The following SLC24A2 variants were observed in gnomAD, a reference collection of about 807,000 sequenced individuals.
SLC24A2 encodes sodium/potassium/calcium exchanger 2.
A neutral mutation model predicts 62.0 loss-of-function variants in SLC24A2; 36 were observed. The ratio of observed to expected loss-of-function variants is 0.58; its 90% CI spans 0.44 to 0.77. The LOEUF (loss-of-function observed/expected upper bound fraction) is 0.77, where lower values mean the gene tolerates loss of function less well. Ranked by LOEUF, SLC24A2 falls within the 30% of genes least tolerant of loss-of-function variation. The pLI is 0.00. For synonymous variants in SLC24A2, 358 were observed against 294.0 expected (o/e 1.22, Z -2.23); for missense variants, 846 against 817.9 (o/e 1.03, Z -0.42).
At chr9:19,554,992 A>C (rs1237429695) in intron 7 of SLC24A2, among the ~76,000 whole-genome samples, 4 of 152,186 alleles carry the variant, frequency 2.6e-5, no homozygotes, top group African/African-American at 9.6e-5. Context: ...TGGTCTCTCT[A>C]TAAGATATCT....
At chr9:19,834,256 T>G in the SLC24A2 span, among the ~76,000 whole-genome samples, 1 of 152,092 alleles carries the variant, frequency 6.6e-6, no homozygotes, top group Non-Finnish European at 1.5e-5. Flanking sequence ...AGAAGAAGGC[T>G]TCAGAAGATC....
intron 2 of SLC24A2, among the ~76,000 whole-genome samples, chr9:19,721,277 G>A (rs1338898802): frequency 6.6e-6 from 1 of 152,106 alleles, no homozygotes; most frequent in African/African-American, 2.4e-5. Context: ...TATTCATAGA[G>A]ACCCAGAGCA....
chr9:20,109,908 T>C, the SLC24A2 span, among the ~76,000 whole-genome samples: 1 of 152,202 alleles, frequency 6.6e-6, no homozygotes, highest in South Asian at 2.1e-4. Flanking sequence ...TCTGGAATTT[T>C]AGCTGGATAT....
chr9:19,589,752 A>T (rs1822647378), intron 5 of SLC24A2, among the ~76,000 whole-genome samples: 1 of 152,092 alleles, frequency 6.6e-6, no homozygotes, highest in African/African-American at 2.4e-5. Context: ...CCTACCTACC[A>T]TAGTCTTGGT....
chr9:19,572,753 G>C (rs1010116484), intron 7 of SLC24A2, among the ~76,000 whole-genome samples: 17 of 152,212 alleles, frequency 1.1e-4, no homozygotes, highest in African/African-American at 3.9e-4. Context: ...GTAGGTGTTT[G>C]ATAAATGTTA....
chr9:19,706,849 G>C (rs13295803), intron 2 of SLC24A2, among the ~76,000 whole-genome samples: 48,077 of 151,340 alleles, frequency 0.32, 8,057 homozygotes, highest in African/African-American at 0.43. Flanking sequence ...AAAAGAACTA[G>C]AAAAGCAAGA....
chr9:20,076,423 C>A, the SLC24A2 span, among the ~76,000 whole-genome samples: 2 of 152,006 alleles, frequency 1.3e-5, no homozygotes, highest in African/African-American at 4.8e-5. Flanking sequence ...GACAGACACA[C>A]GAAGGGAGAA....
the SLC24A2 span, among the ~76,000 whole-genome samples, chr9:20,178,830 G>C: frequency 7.2e-5 from 11 of 152,188 alleles, 1 homozygote; most frequent in African/African-American, 2.2e-4. Flanking sequence ...GATACATTTA[G>C]AGTTTTTAAA....
chr9:19,788,911 C>T lies in SLC24A2; in HGVS notation c.-180G>A. 2.0e-6 allele frequency: 2 copies of T among 985,362 alleles called. No individual in the cohort carries two copies. Among genetic ancestry groups the T allele is most frequent in the Non-Finnish European group, 2.4e-6 (2 of 829,882 alleles). The allele number at this position is 985,362 out of a possible 1,614,324, so 61.0% of individuals were successfully genotyped here. A position where few individuals can be genotyped will look rare whatever the true frequency, so the allele number is the denominator to read the frequency against. ...AGGATAAGATGGGAGGACGCGCACA[C>T]GGCGGGGCCCCCGAGCGCGGCCCGC... On this transcript the variant is annotated 5_prime_UTR_variant, in exon 1 of 11. In the 5' UTR this introduces an upstream ATG that the reference lacks. Coordinates refer to ENST00000341998, the MANE Select transcript of SLC24A2 (RefSeq NM_020344.4).
chr9:19,520,099 G>A (rs974783104), intron 10 of SLC24A2, among the ~76,000 whole-genome samples: 2 of 152,172 alleles, frequency 1.3e-5, no homozygotes, highest in Non-Finnish European at 1.5e-5. Context: ...AAAGGTGGAA[G>A]ACAGAACAAT....
chr9:19,831,119 A>T, the SLC24A2 span, among the ~76,000 whole-genome samples: 25 of 152,306 alleles, frequency 1.6e-4, no homozygotes, highest in African/African-American at 6.0e-4. Context: ...TTCTGCCCTC[A>T]TGACTTAATC....
rs1341494865 is a variant in SLC24A2 at position 19,550,459 on chromosome 9, G to C, written c.1348-191C>G. 3.9e-5 allele frequency among the ~76,000 whole-genome samples: 6 copies of C among 152,302 alleles called. No individual in the cohort carries two copies. In the East Asian group the frequency reaches 1.2e-3, roughly 29 times the overall value. On this transcript the variant is annotated intron_variant, in intron 7 of 10. Transcript: ENST00000341998. ...CTAGGAACAAATAATACATTGTCCA[G>C]CCATGAGCATGTAAGAATTTTCTTT...
At chr9:19,754,632 G>C (rs767797287) in intron 2 of SLC24A2, among the ~76,000 whole-genome samples, 42 of 149,990 alleles carry the variant, frequency 2.8e-4, no homozygotes, top group Non-Finnish European at 1.6e-4. Context: ...CTTTCTCCTG[G>C]AAATCATGGG....
At chr9:19,749,727 A>T (rs941815729) in intron 2 of SLC24A2, among the ~76,000 whole-genome samples, 5 of 152,242 alleles carry the variant, frequency 3.3e-5, no homozygotes, top group Non-Finnish European at 7.3e-5. Context: ...GACTCCTTGT[A>T]TAATGAAAAA....
At chr9:20,069,302 T>C in the SLC24A2 span, among the ~76,000 whole-genome samples, 2 of 152,222 alleles carry the variant, frequency 1.3e-5, no homozygotes, top group African/African-American at 4.8e-5. Flanking sequence ...TCGCCTCCTA[T>C]ATTGATTTAA....
the SLC24A2 span, among the ~76,000 whole-genome samples, chr9:20,120,037 G>A: frequency 6.6e-6 from 1 of 152,114 alleles, no homozygotes; most frequent in African/African-American, 2.4e-5. Context: ...GACTACTCCA[G>A]CTTCTAGAAA....
At chr9:19,636,323 C>CTTTTCTTTTCTTTTCTTTTCT (rs1554690385) in intron 2 of SLC24A2, among the ~76,000 whole-genome samples, 3 of 19,174 alleles carry the variant, frequency 1.6e-4, no homozygotes, top group Non-Finnish European at 3.3e-4. Flanking sequence ...TCTTTTCTTT[C>CTTTTCTTTTCTTTTCTTTTCT]TTTCTTTCTT....
intron 2 of SLC24A2, among the ~76,000 whole-genome samples, chr9:19,785,721 C>T (rs1823144446): frequency 6.6e-6 from 1 of 152,152 alleles, no homozygotes; most frequent in Admixed American, 6.5e-5. Flanking sequence ...TACTCTGAAG[C>T]AAGTAGCTGA....
the SLC24A2 span, among the ~76,000 whole-genome samples, chr9:20,079,248 C>T: frequency 9.2e-5 from 14 of 152,268 alleles, no homozygotes; most frequent in South Asian, 1.2e-3. Flanking sequence ...GCCTTCAGAA[C>T]TCTGAGAAAA....
Sources: gnomAD v4.1 joint callset for allele counts (sites outside exome capture counted in the v4.1 genomes callset) on GRCh38, gnomAD v4.1.1 for gene constraint, MANE v1.5 for transcripts, NCBI Gene and HGNC (gene_info 2026-07-23, HGNC 2026-07-21) for gene names.